The following INPP4B variants were observed in gnomAD, a reference collection of about 807,000 sequenced individuals.
The protein encoded by INPP4B is inositol polyphosphate 4-phosphatase type II.
Under a neutral mutation model 122.5 loss-of-function variants are expected in INPP4B, and 55 were observed. That is an observed-to-expected ratio of 0.45 (90% CI 0.36 to 0.56). The LOEUF (loss-of-function observed/expected upper bound fraction) is 0.56, where lower values mean the gene tolerates loss of function less well. INPP4B is among the 20% of genes least tolerant of loss of function. INPP4B has a pLI of 0.00. For synonymous variants in INPP4B, 403 were observed against 388.7 expected (o/e 1.04, Z -0.43); for missense variants, 1,000 against 1,097.7 (o/e 0.91, Z 1.26).
At chr4:142,155,233 TAAG>T (rs2152884948) in intron 17 of INPP4B, among the ~76,000 whole-genome samples, 1 of 152,210 alleles carries the variant, frequency 6.6e-6, no homozygotes, top group East Asian at 1.9e-4. Context: ...TCCTTCTTAT[TAAG>T]ATCAGGACAA....
rs187857137 is a variant in INPP4B, at chr4:142,727,707, A to G, written c.-253-1806T>C. Among the ~76,000 whole-genome samples, 5 of 152,176 alleles carry G rather than the reference A, an allele frequency of 3.3e-5. No individual in the cohort carries two copies. In the East Asian group the frequency reaches 9.7e-4, roughly 30 times the overall value. ...ACCAGCCTGGGCAACATGGCAAGGC[A>G]CTGTCTCTACAAAAACAAAAATTAG... On this transcript the variant is annotated intron_variant, in intron 1 of 25. Transcript: ENST00000262992.
At chr4:142,305,793 A>C (rs1763136013) in intron 8 of INPP4B, 2 of 1,247,650 alleles carry the variant, frequency 1.6e-6, no homozygotes, top group African/African-American at 1.5e-5. Context: ...AAAATACAGC[A>C]CCCAGAGTTG....
chr4:142,491,496 A>C (rs899587019), intron 2 of INPP4B, among the ~76,000 whole-genome samples: 7 of 152,022 alleles, frequency 4.6e-5, no homozygotes, highest in African/African-American at 1.2e-4. Context: ...TCTATTAAAA[A>C]GACAAAAAAA....
At chr4:142,831,049 A>G (rs1019425137) in intron 1 of INPP4B, among the ~76,000 whole-genome samples, 1 of 151,790 alleles carries the variant, frequency 6.6e-6, no homozygotes, top group African/African-American at 2.4e-5. Context: ...AATAGATGCA[A>G]GAGTGTAGTA....
chr4:142,164,601 C>T (rs1048551657), intron 16 of INPP4B, among the ~76,000 whole-genome samples: 9 of 151,728 alleles, frequency 5.9e-5, no homozygotes, highest in African/African-American at 1.9e-4. Flanking sequence ...ATATATTATC[C>T]ATTTGCCCTT....
chr4:142,510,923 A>AT (rs998519407), intron 2 of INPP4B, among the ~76,000 whole-genome samples: 1 of 152,104 alleles, frequency 6.6e-6, no homozygotes, highest in Non-Finnish European at 1.5e-5. Flanking sequence ...AATACAATGG[A>AT]TTTTTTACTT....
At chr4:142,619,614 G>A (rs1580520637) in intron 2 of INPP4B, among the ~76,000 whole-genome samples, 1 of 151,984 alleles carries the variant, frequency 6.6e-6, no homozygotes, top group South Asian at 2.1e-4. Flanking sequence ...AAGAGGGAAA[G>A]GGAAATAGGG....
At chr4:142,506,613 G>A (rs1418602631) in intron 2 of INPP4B, among the ~76,000 whole-genome samples, 1 of 152,140 alleles carries the variant, frequency 6.6e-6, no homozygotes, top group Non-Finnish European at 1.5e-5. Context: ...CCTGGAGTAT[G>A]AGGGAAAAGG....
chr4:142,334,004 T>C (rs1451361152), intron 7 of INPP4B, among the ~76,000 whole-genome samples: 1 of 152,178 alleles, frequency 6.6e-6, no homozygotes, highest in Non-Finnish European at 1.5e-5. Context: ...TACCCTTTGA[T>C]CATCATCTTC....
intron 7 of INPP4B, among the ~76,000 whole-genome samples, chr4:142,399,125 G>C (rs577551534): frequency 4.5e-4 from 68 of 150,518 alleles, no homozygotes; most frequent in Non-Finnish European, 1.9e-4. Context: ...TGTTGCATGG[G>C]ATGAATGGGA....
intron 2 of INPP4B, among the ~76,000 whole-genome samples, chr4:142,687,045 G>A (rs937291383): frequency 2.0e-5 from 3 of 151,948 alleles, no homozygotes; most frequent in African/African-American, 7.2e-5. Context: ...GGATTCTTGC[G>A]AAAACTGGGA....
chr4:142,493,699 C>A (rs1822166200), intron 2 of INPP4B, among the ~76,000 whole-genome samples: 1 of 152,120 alleles, frequency 6.6e-6, no homozygotes, highest in Non-Finnish European at 1.5e-5. Flanking sequence ...AACTAAGTTG[C>A]TTTGATTTTA....
chr4:142,068,275 C>A (rs983895313), intron 25 of INPP4B, among the ~76,000 whole-genome samples: 1 of 152,042 alleles, frequency 6.6e-6, no homozygotes, highest in Non-Finnish European at 1.5e-5. Flanking sequence ...ACAGACAAAA[C>A]AATGCTGAGA....
intron 3 of INPP4B, among the ~76,000 whole-genome samples, chr4:142,436,523 T>C (rs1412717935): frequency 6.6e-6 from 1 of 152,168 alleles, no homozygotes; most frequent in Non-Finnish European, 1.5e-5. Flanking sequence ...TCGGTGCCTC[T>C]TGAGGTCTGA....
intron 25 of INPP4B, chr4:142,030,032 C>G (rs1169896137): frequency 7.3e-7 from 1 of 1,370,430 alleles, no homozygotes; most frequent in African/African-American, 1.5e-5. Flanking sequence ...TTTTTAAATT[C>G]TGTGAATTTG....
At chr4:142,044,019 TAC>T (rs1415873609) in intron 25 of INPP4B, among the ~76,000 whole-genome samples, 1 of 152,116 alleles carries the variant, frequency 6.6e-6, no homozygotes, top group African/African-American at 2.4e-5. Flanking sequence ...ACTAGGAAGA[TAC>T]AGATTCTAAA....
chr4:142,529,183 C>G (rs1156407132), intron 2 of INPP4B, among the ~76,000 whole-genome samples: 1 of 151,918 alleles, frequency 6.6e-6, no homozygotes, highest in Admixed American at 6.6e-5. Flanking sequence ...AGTGCAAGAC[C>G]AGTGGATCTG....
At chr4:142,580,119 G>C (rs1287492057) in intron 2 of INPP4B, among the ~76,000 whole-genome samples, 1 of 151,146 alleles carries the variant, frequency 6.6e-6, no homozygotes, top group East Asian at 2.0e-4. Context: ...CCATCTAGTA[G>C]CTGACACATA....
chr4:142,430,171 C>T (rs996015353), intron 4 of INPP4B, among the ~76,000 whole-genome samples: 4 of 151,954 alleles, frequency 2.6e-5, no homozygotes, highest in Admixed American at 6.6e-5. Flanking sequence ...AAATTAACTG[C>T]TTTTTATTCA....
Sources: allele counts gnomAD v4.1 joint callset (sites outside exome capture counted in the v4.1 genomes callset), GRCh38; gene constraint gnomAD v4.1.1; transcripts MANE v1.5; gene names NCBI Gene and HGNC (gene_info 2026-07-23, HGNC 2026-07-21).